Variants in INPP4A observed in about 807,000 individuals in gnomAD.
INPP4A encodes the protein inositol polyphosphate-4-phosphatase, type I, 107kD.
Under a neutral mutation model 119.8 loss-of-function variants are expected in INPP4A, and 33 were observed. The observed-to-expected ratio is 0.28, with a 90% confidence interval of 0.21 to 0.37. INPP4A has a LOEUF of 0.37. INPP4A is among the 10% of genes least tolerant of loss of function. The pLI is 1.00. For synonymous variants in INPP4A, 496 were observed against 500.7 expected (o/e 0.99, Z 0.12); for missense variants, 956 against 1,289.9 (o/e 0.74, Z 3.97).
At chr2:98,515,116 C>G (rs1685863127) in intron 1 of INPP4A, among the ~76,000 whole-genome samples, 1 of 152,162 alleles carries the variant, frequency 6.6e-6, no homozygotes, top group African/African-American at 2.4e-5. Context: ...CAGTATCCTT[C>G]CTGTCTGTCT....
intron 23 of INPP4A, among the ~76,000 whole-genome samples, chr2:98,574,123 G>A (rs566660648): frequency 3.9e-4 from 60 of 152,244 alleles, no homozygotes; most frequent in African/African-American, 1.4e-3. Context: ...TGGTTTTGGG[G>A]CCTCATCTGG....
chr2:98,584,482 G>A (rs1378890514), intron 24 of INPP4A, among the ~76,000 whole-genome samples: 3 of 152,220 alleles, frequency 2.0e-5, no homozygotes, highest in Non-Finnish European at 4.4e-5. Flanking sequence ...CTCCAGGGAC[G>A]CCTCCCAGGA....
chr2:98,537,934 G>A lies in INPP4A; in HGVS notation c.539G>A (p.Arg180Gln), dbSNP rs372388910. The change falls in exon 8 of 25, where the codon CGG becomes CAG. Residue 180 changes from arginine to glutamine, a missense_variant. By Grantham distance (43) the Arg-to-Gln change is conservative. This residue lies in a region of INPP4A where 652 missense variants were observed against 797.9 expected (regional missense o/e 0.82). Coordinates refer to ENST00000409851, the MANE Select transcript of INPP4A (RefSeq NM_001134225.2). ...GWQMEEKSDQRPPVTRSVDTV... is the reference protein window; with the variant it reads ...GWQMEEKSDQQPPVTRSVDTV... ...CAGATGGAGGAGAAGTCAGACCAAC[G>A]GCCCCCTGTGACCCGGTCTGTGGAC... The A allele has an allele frequency of 7.4e-6, 12 of 1,612,732 alleles. No homozygotes were observed. Among genetic ancestry groups the A allele is most frequent in the Admixed American group, 1.7e-5 (1 of 59,908 alleles).
Position 98,552,910 on chromosome 2 carries a change from G to T in INPP4A, c.1288G>T (p.Ala430Ser). ...TTACTACGCAGAGCGGCTGTCAAGG[G>T]CAGCCAAGGACAGGTCTGCCACTGG... The part of the protein sequence containing the change: ...VSYYAERLSR[A>S]AKDRSATGLE... Residue 430 changes from alanine (A) to serine (S), a missense_variant, in exon 14 of 25, where the codon GCA becomes TCA. Ala to Ser is a moderately conservative substitution (Grantham distance 99). Transcript: ENST00000409851. The T allele has an allele frequency of 2.5e-6, 4 of 1,613,682 alleles. No individual in the cohort carries two copies. The highest frequency in any genetic ancestry group is 3.4e-6 in the Non-Finnish European group (4 of 1,179,752).
At position 98,520,674 on chromosome 2, in the gene INPP4A, C is replaced by T; in HGVS notation, c.107-13C>T. ...ATTAAGGATGATTTTTCTGTCATTT[C>T]TTTTCTATTCAGGAAATATACAAGA... On this transcript the variant is annotated splice_polypyrimidine_tract_variant and intron_variant, in intron 3 of 24. Coordinates refer to ENST00000409851, the MANE Select transcript of INPP4A (RefSeq NM_001134225.2). The T allele has an allele frequency of 6.8e-7, 1 of 1,467,568 alleles. No homozygotes were observed. The highest frequency in any genetic ancestry group is 9.3e-7 in the Non-Finnish European group (1 of 1,080,416). 90.9% of individuals were successfully genotyped at this position (1,467,568 alleles called of 1,614,324 possible). A position where few individuals can be genotyped will look rare whatever the true frequency, so the allele number is the denominator to read the frequency against.
chr2:98,591,963 T>C lies in INPP4A; in HGVS notation c.*4355T>C, dbSNP rs1700423668. The C allele has an allele frequency of 6.6e-6, 1 of 152,256 alleles. No individual in the cohort carries two copies. Among genetic ancestry groups the C allele is most frequent in the South Asian group, 2.1e-4 (1 of 4,830 alleles). 9.4% of individuals were successfully genotyped at this position (152,256 alleles called of 1,614,324 possible). A position where few individuals can be genotyped will look rare whatever the true frequency, so the allele number is the denominator to read the frequency against. Reference sequence around the variant, plus strand: ...CTCTCAGTGGGCAGTGTGACCTCTTTGGTCACTCTAAAGGGCTGCCAGCAT... The same window carrying C: ...CTCTCAGTGGGCAGTGTGACCTCTTCGGTCACTCTAAAGGGCTGCCAGCAT... On this transcript the variant is annotated 3_prime_UTR_variant, in exon 25 of 25. Transcript: ENST00000409851.
intron 1 of INPP4A, among the ~76,000 whole-genome samples, chr2:98,494,534 A>G (rs992191878): frequency 2.0e-5 from 3 of 152,120 alleles, no homozygotes; most frequent in African/African-American, 7.2e-5. Context: ...TAGGAGAGGT[A>G]GGCTATAATA....
chr2:98,580,320 A>T (rs1021257122), intron 24 of INPP4A, among the ~76,000 whole-genome samples: 4 of 152,344 alleles, frequency 2.6e-5, no homozygotes, highest in Admixed American at 6.5e-5. Flanking sequence ...AACCATGGCC[A>T]GTGCTGTGCT....
At chr2:98,505,452 TGAAA>T (rs1404878467) in intron 1 of INPP4A, among the ~76,000 whole-genome samples, 1 of 152,222 alleles carries the variant, frequency 6.6e-6, no homozygotes, top group Non-Finnish European at 1.5e-5. Context: ...TTGTTGAACC[TGAAA>T]GAGAGGACGT....
At chr2:98,540,423 C>T (rs1315138156) in intron 10 of INPP4A, among the ~76,000 whole-genome samples, 1 of 152,224 alleles carries the variant, frequency 6.6e-6, no homozygotes, top group Non-Finnish European at 1.5e-5. Context: ...CATCTCTCAA[C>T]CCAGGGCATA....
rs144071480 is a variant in INPP4A at position 98,476,378 on chromosome 2, A to G, written c.-166+31293A>G. Reference sequence around the variant, plus strand: ...TGCTAAGCTCCACATTTGAGCAGTAATGGCCCTGTTTGCTGTCCCTCGGGA... The same window carrying G: ...TGCTAAGCTCCACATTTGAGCAGTAGTGGCCCTGTTTGCTGTCCCTCGGGA... On this transcript the variant is annotated intron_variant, in intron 1 of 24. Coordinates refer to ENST00000409851, the MANE Select transcript of INPP4A (RefSeq NM_001134225.2). 2.1e-4 allele frequency among the ~76,000 whole-genome samples: 32 copies of G among 152,316 alleles called. 1 individual carries two copies. In the East Asian group the frequency reaches 6.0e-3, roughly 28 times the overall value.
At chr2:98,522,240 T>C (rs538791942) in intron 4 of INPP4A, among the ~76,000 whole-genome samples, 1 of 150,494 alleles carries the variant, frequency 6.6e-6, no homozygotes, top group East Asian at 2.0e-4. Flanking sequence ...TGAGCCGAGA[T>C]TGCACCATTA....
chr2:98,493,309 C>G (rs1186562958), intron 1 of INPP4A, among the ~76,000 whole-genome samples: 1 of 152,050 alleles, frequency 6.6e-6, no homozygotes, highest in Admixed American at 6.5e-5. Flanking sequence ...GTCTGCCTAC[C>G]CCGACTTCCT....
chr2:98,585,491 T>G (rs1023263715), intron 24 of INPP4A, among the ~76,000 whole-genome samples: 2 of 152,212 alleles, frequency 1.3e-5, no homozygotes, highest in African/African-American at 4.8e-5. Flanking sequence ...TCCTAAAAAG[T>G]ATGCAGCCGA....
At chr2:98,552,416 T>C (rs533374075) in intron 13 of INPP4A, among the ~76,000 whole-genome samples, 4 of 152,310 alleles carry the variant, frequency 2.6e-5, no homozygotes, top group South Asian at 2.1e-4. Context: ...GGCCTCTATG[T>C]CTCCACTTAA....
At chr2:98,571,025 A>G (rs552865741) in intron 22 of INPP4A, among the ~76,000 whole-genome samples, 110 of 152,272 alleles carry the variant, frequency 7.2e-4, no homozygotes, top group Non-Finnish European at 2.6e-4. Flanking sequence ...CAGGGTGGTA[A>G]ACATAGCATG....
chr2:98,507,263 G>A (rs939034418), intron 1 of INPP4A, among the ~76,000 whole-genome samples: 2 of 152,198 alleles, frequency 1.3e-5, no homozygotes, highest in East Asian at 1.9e-4. Context: ...GAGTTCATTT[G>A]TGTTGGGGTT....
At position 98,587,738 on chromosome 2, in the gene INPP4A, A is replaced by G; in HGVS notation, c.*130A>G. On this transcript the variant is annotated 3_prime_UTR_variant, in exon 25 of 25. Transcript: ENST00000409851. ...GTGGTTTTTTTAAAAAAAACATTTC[A>G]CTAAAGAGTCTCTGGAGCATGTTTT... 1.3e-6 allele frequency: 1 copy of G among 766,020 alleles called. No homozygotes were observed. The highest frequency in any genetic ancestry group is 2.0e-6 in the Non-Finnish European group (1 of 493,752). The allele number at this position is 766,020 out of a possible 1,614,324, so 47.5% of individuals were successfully genotyped here. A position where few individuals can be genotyped will look rare whatever the true frequency, so the allele number is the denominator to read the frequency against.
rs375816198 is a variant in INPP4A, at chr2:98,537,856, A to C, written c.468-7A>C. ...CACCACTCATTAAAGCATGTTGTGCATCACAGGTCTGCAGAGAGTGACCGT... is the reference window on the plus strand; with the variant it reads ...CACCACTCATTAAAGCATGTTGTGCCTCACAGGTCTGCAGAGAGTGACCGT... On this transcript the variant is annotated splice_polypyrimidine_tract_variant and splice_region_variant and intron_variant, in intron 7 of 24. Transcript: ENST00000409851. The C allele has an allele frequency of 4.4e-4, 698 of 1,597,962 alleles. No individual in the cohort carries two copies. Among genetic ancestry groups the C allele is most frequent in the Non-Finnish European group, 5.8e-4 (682 of 1,168,222 alleles).
Sources: gnomAD v4.1 joint callset for allele counts (sites outside exome capture counted in the v4.1 genomes callset) on GRCh38, gnomAD v4.1.1 for gene constraint, gnomAD v4.1.1 regional missense constraint, MANE v1.5 for transcripts, NCBI Gene and HGNC (gene_info 2026-07-23, HGNC 2026-07-21) for gene names.